NEDD4: variants seen among roughly 807,000 people sequenced by gnomAD.
NEDD4 encodes NEDD4 E3 ubiquitin protein ligase.
NEDD4 carries 99 observed loss-of-function variants against 144.9 expected under a neutral mutation model. The ratio of observed to expected loss-of-function variants is 0.68; its 90% CI spans 0.58 to 0.81. NEDD4 has a LOEUF of 0.81. NEDD4 is among the 30% of genes least tolerant of loss of function. The pLI is 0.00. For synonymous variants in NEDD4, 318 were observed against 350.6 expected, an observed-to-expected ratio of 0.91 and a Z score of 1.04; for missense variants, 985 against 1,065.9, an observed-to-expected ratio of 0.92 and a Z score of 1.06.
At chr15:55,983,937 G>A (rs927312610) in intron 1 of NEDD4, among the ~76,000 whole-genome samples, 1 of 151,896 alleles carries the variant, frequency 6.6e-6, no homozygotes, top group Non-Finnish European at 1.5e-5. Flanking sequence ...ATCTTACACT[G>A]TTTTCCTTAA....
At chr15:55,941,113 ACTCTCTCTGT>A (rs1447754840) in intron 4 of NEDD4, among the ~76,000 whole-genome samples, 2 of 151,530 alleles carry the variant, frequency 1.3e-5, no homozygotes, top group Admixed American at 6.6e-5. Flanking sequence ...TCATCTGAGT[ACTCTCTCTGT>A]CTCTCTCATA....
At chr15:55,850,963 T>G (rs2033959936) in intron 13 of NEDD4, among the ~76,000 whole-genome samples, 1 of 152,220 alleles carries the variant, frequency 6.6e-6, no homozygotes, top group African/African-American at 2.4e-5. Context: ...TAAATTATTT[T>G]GTAAAACTTT....
At chr15:55,961,209 G>C (rs1291119177) in intron 2 of NEDD4, among the ~76,000 whole-genome samples, 1 of 152,126 alleles carries the variant, frequency 6.6e-6, no homozygotes, top group Non-Finnish European at 1.5e-5. Flanking sequence ...GAATACCCAT[G>C]AAAGGCACAC....
intron 1 of NEDD4, among the ~76,000 whole-genome samples, chr15:55,969,640 C>T (rs7170158): frequency 0.15 from 23,142 of 152,056 alleles, 1,945 homozygotes; most frequent in East Asian, 0.32. Context: ...CTCCCAGACA[C>T]TTCTAGACCC....
At chr15:55,859,247 G>A (rs994408261) in intron 11 of NEDD4, among the ~76,000 whole-genome samples, 1 of 152,156 alleles carries the variant, frequency 6.6e-6, no homozygotes, top group Non-Finnish European at 1.5e-5. Context: ...AGTTCTCATC[G>A]TGGAAGCATA....
chr15:55,989,809 C>T (rs913146744), intron 1 of NEDD4, among the ~76,000 whole-genome samples: 3 of 152,128 alleles, frequency 2.0e-5, no homozygotes, highest in Non-Finnish European at 4.4e-5. Flanking sequence ...GGCTGGACTT[C>T]TAGAGCAGGG....
At chr15:55,962,300 G>T (rs1394002305) in intron 2 of NEDD4, among the ~76,000 whole-genome samples, 1 of 152,156 alleles carries the variant, frequency 6.6e-6, no homozygotes, top group African/African-American at 2.4e-5. Flanking sequence ...ACAGTATATA[G>T]TTGGGTCTTG....
At chr15:55,933,528 GT>G (rs1408828050) in intron 4 of NEDD4, among the ~76,000 whole-genome samples, 2 of 126,964 alleles carry the variant, frequency 1.6e-5, no homozygotes, top group African/African-American at 5.9e-5. Context: ...GGGGCCTGTC[GT>G]GGGGTGGGGG....
chr15:55,966,222 T>C (rs903271088), intron 2 of NEDD4, among the ~76,000 whole-genome samples: 29 of 152,230 alleles, frequency 1.9e-4, no homozygotes, highest in African/African-American at 6.5e-4. Context: ...GTTAGAATTT[T>C]GCAAATTTCC....
rs542553656 is a variant in NEDD4 at position 55,953,633 on chromosome 15, G to A, written c.120-2044C>T. 2.3e-4 allele frequency among the ~76,000 whole-genome samples: 35 copies of A among 151,978 alleles called. No individual in the cohort carries two copies. The South Asian group carries it at 6.7e-3, about 29-fold the overall frequency. ...ATTTTTGTATTTTTAGTAGAGACGCGGTTTTGCCATCTTGGCCAGGCTGGT... is the reference window on the plus strand; with the variant it reads ...ATTTTTGTATTTTTAGTAGAGACGCAGTTTTGCCATCTTGGCCAGGCTGGT... On this transcript the variant is annotated intron_variant, in intron 2 of 28. Transcript: ENST00000435532.
At chr15:55,975,218 T>C (rs2037680317) in intron 1 of NEDD4, among the ~76,000 whole-genome samples, 1 of 151,972 alleles carries the variant, frequency 6.6e-6, no homozygotes, top group South Asian at 2.1e-4. Context: ...TATTATTGAA[T>C]ATAGTACTGG....
intron 1 of NEDD4, among the ~76,000 whole-genome samples, chr15:55,976,687 T>G (rs138682936): frequency 6.7e-6 from 1 of 149,290 alleles, no homozygotes; most frequent in East Asian, 2.0e-4. Flanking sequence ...TGGAGTGCAG[T>G]GGTGCAATCT....
chr15:55,974,136 A>G (rs1476009069), intron 1 of NEDD4, among the ~76,000 whole-genome samples: 2 of 152,224 alleles, frequency 1.3e-5, no homozygotes, highest in Non-Finnish European at 2.9e-5. Context: ...GACTACTGCG[A>G]ACAACTATAT....
intron 1 of NEDD4, among the ~76,000 whole-genome samples, chr15:55,982,856 T>C (rs2037826138): frequency 6.6e-6 from 1 of 152,114 alleles, no homozygotes; most frequent in Non-Finnish European, 1.5e-5. Context: ...GGGTGGTGGC[T>C]CACACCTGTA....
At chr15:55,991,497 C>G (rs1459569419) in intron 1 of NEDD4, among the ~76,000 whole-genome samples, 1 of 152,222 alleles carries the variant, frequency 6.6e-6, no homozygotes, top group Admixed American at 6.5e-5. Flanking sequence ...ACAGAGCAAA[C>G]AGTAAATGAA....
intron 5 of NEDD4, among the ~76,000 whole-genome samples, chr15:55,917,422 A>G (rs1379131762): frequency 3.3e-5 from 5 of 152,100 alleles, no homozygotes; most frequent in Non-Finnish European, 5.9e-5. Context: ...AATAGTAGCC[A>G]TACTAGGAAT....
intron 19 of NEDD4, among the ~76,000 whole-genome samples, chr15:55,841,174 CACCA>C (rs2033485666): frequency 6.6e-6 from 1 of 152,196 alleles, no homozygotes; most frequent in Non-Finnish European, 1.5e-5. Flanking sequence ...CATTGTGATC[CACCA>C]GCCTTGGCCT....
intron 5 of NEDD4, among the ~76,000 whole-genome samples, chr15:55,899,579 A>T (rs2035846854): frequency 6.6e-6 from 1 of 152,236 alleles, no homozygotes; most frequent in South Asian, 2.1e-4. Context: ...AGAGAAAAAT[A>T]AAGCCATTGG....
Position 55,834,402 on chromosome 15 carries a change from C to T in NEDD4, c.2263-116G>A, listed in dbSNP as rs552676984. ...ATCCACACAAGTTTCTACCACTACA[C>T]AATCACGGGCTCTTCACTGAGATCT... On this transcript the variant is annotated intron_variant, in intron 24 of 28. Transcript: ENST00000435532. 7 of 642,392 alleles carry T rather than the reference C, an allele frequency of 1.1e-5. No homozygotes were observed. The African/African-American group carries it at 1.1e-4, about 10-fold the overall frequency. 39.8% of individuals were successfully genotyped at this position (642,392 alleles called of 1,614,324 possible).
Sources: allele counts gnomAD v4.1 joint callset (sites outside exome capture counted in the v4.1 genomes callset), GRCh38; gene constraint gnomAD v4.1.1; transcripts MANE v1.5; gene names NCBI Gene and HGNC (gene_info 2026-07-23, HGNC 2026-07-21).